The following DNAJC4 variants were observed in gnomAD, a reference collection of about 807,000 sequenced individuals.
The protein encoded by DNAJC4 is DnaJ heat shock protein family (Hsp40) member C4.
A neutral mutation model predicts 26.8 loss-of-function variants in DNAJC4; 26 were observed. That is an observed-to-expected ratio of 0.97 (90% CI 0.71 to 1.34). The LOEUF (loss-of-function observed/expected upper bound fraction) is 1.34, where lower values mean the gene tolerates loss of function less well. Among genes scored for constraint, DNAJC4 ranks in the 40% most tolerant of loss-of-function variants. DNAJC4 has a pLI of 0.00. For synonymous variants in DNAJC4, 134 were observed against 127.8 expected, an observed-to-expected ratio of 1.05 and a Z score of -0.33; for missense variants, 342 against 321.1, an observed-to-expected ratio of 1.07 and a Z score of -0.50.
Position 64,232,739 on chromosome 11 carries a change from A to C in DNAJC4, c.401A>C (p.Gln134Pro). 1 of 1,611,116 alleles carries C rather than the reference A, an allele frequency of 6.2e-7. No homozygotes were observed. Among genetic ancestry groups the C allele is most frequent in the Non-Finnish European group, 8.5e-7 (1 of 1,178,406 alleles). The change falls in exon 4 of 6, where the codon CAG becomes CCG. Residue 134 changes from glutamine (Q) to proline (P), a missense_variant. Physicochemically the swap from Gln to Pro is moderately conservative, Grantham distance 76. Transcript: ENST00000628077. ...CCCCCCAACGCACAGTACTGGTCCCAGTTTCACAGCGTGAGGCCACAGGGG... is the reference window on the plus strand; with the variant it reads ...CCCCCCAACGCACAGTACTGGTCCCCGTTTCACAGCGTGAGGCCACAGGGG... ...WTPPNAQYWS[Q>P]FHSVRPQGPQ... is the part of the protein sequence containing the mutation.
chr11:64,232,490 G>C lies in DNAJC4; in HGVS notation c.241G>C (p.Glu81Gln). 1 of 1,611,256 alleles carries C rather than the reference G, an allele frequency of 6.2e-7. No individual in the cohort carries two copies. The highest frequency in any genetic ancestry group is 8.5e-7 in the Non-Finnish European group (1 of 1,177,886). ...SLHSRFVELS[E>Q]AYRVLSREQS... ...GCACAGCCGCTTTGTGGAGCTGAGC[G>C]AGGCATACCGTGTGCTCAGCCGTGA... Residue 81 changes from glutamate (E) to glutamine (Q), a missense_variant, in exon 3 of 6, where the codon GAG (glutamate) becomes CAG (glutamine). Transcript: ENST00000628077.
upstream of DNAJC4, chr11:64,230,448 C>T: frequency 3.8e-6 from 2 of 520,168 alleles, no homozygotes; most frequent in South Asian, 3.1e-5. Context: ...GTGGTCTTGG[C>T]ATCCACGCCA....
At chr11:64,233,824 G>A (rs1947208857) in intron 4 of DNAJC4, 70 bp from the exon 5 acceptor site, 1 of 1,574,690 alleles carries the variant, frequency 6.4e-7, no homozygotes, top group African/African-American at 1.3e-5. Flanking sequence ...CCCTAGAGTG[G>A]GGTGGAAGGG....
At chr11:64,233,490 CT>C (rs1362194736) in intron 4 of DNAJC4, 1 of 189,866 alleles carries the variant, frequency 5.3e-6, no homozygotes, top group East Asian at 1.3e-4. Flanking sequence ...ATCCACCCGC[CT>C]CAGCCTCCCA....
chr11:64,231,711 A>C lies in DNAJC4; in HGVS notation c.87-160A>C, dbSNP rs1947178921. ...TCCTGACCTGCACTATGCCTGAAACACTCCAAAGGGGGTGCTGATCTGGAG... is the reference window on the plus strand; with the variant it reads ...TCCTGACCTGCACTATGCCTGAAACCCTCCAAAGGGGGTGCTGATCTGGAG... On this transcript the variant is annotated intron_variant, in intron 1 of 5. Transcript: ENST00000628077. The C allele has an allele frequency of 4.8e-6, 3 of 622,242 alleles. No homozygotes were observed. In the South Asian group the frequency reaches 6.1e-5, roughly 13 times the overall value. The allele number at this position is 622,242 out of a possible 1,614,324, so 38.5% of individuals were successfully genotyped here. A position where few individuals can be genotyped will look rare whatever the true frequency, so the allele number is the denominator to read the frequency against.
chr11:64,234,154 CG>C lies in DNAJC4; in HGVS notation c.697del (p.Glu233ArgfsTer?). 1 of 1,586,238 alleles carries C rather than the reference CG, an allele frequency of 6.3e-7. No individual in the cohort carries two copies. Among genetic ancestry groups the C allele is most frequent in the Non-Finnish European group, 8.6e-7 (1 of 1,168,750 alleles). On this transcript the variant is annotated frameshift_variant, in exon 6 of 6. Transcript: ENST00000628077. LOFTEE classifies it low-confidence loss of function (END_TRUNC). This position sits in a 1 kb window ranked among gnomAD's most constrained non-coding sequence, Gnocchi z 5.3. ...PPPSEPTQGPEIVPRGAGP is the reference protein window; with the variant it reads ...PPPSEPTQGPXIVPRGAGP ...CACCATCCGAGCCAACCCAAGGCCC[CG>C]AGATCGTGCCCCGGGGCGCCGGCCC...
intron 1 of DNAJC4, 129 bp downstream of exon 1, chr11:64,231,069 C>G: frequency 8.3e-7 from 1 of 1,203,238 alleles, no homozygotes; most frequent in East Asian, 2.5e-5. Context: ...CCTCGCCTTC[C>G]CTGCTGAGGA....
intron 4 of DNAJC4, chr11:64,233,066 G>A (rs771158973): frequency 1.4e-5 from 7 of 494,120 alleles, no homozygotes; most frequent in Non-Finnish European, 2.3e-5. Flanking sequence ...GTCATTTACA[G>A]TTTTTCATAT....
At chr11:64,233,289 A>G (rs1947201690) in intron 4 of DNAJC4, among the ~76,000 whole-genome samples, 2 of 151,240 alleles carry the variant, frequency 1.3e-5, no homozygotes, top group South Asian at 2.1e-4. Flanking sequence ...GCTGCAGTGC[A>G]GTGGCGCAAT....
chr11:64,234,275 T>G lies in DNAJC4; in HGVS notation c.*91T>G. On this transcript the variant is annotated 3_prime_UTR_variant, in exon 6 of 6. Coordinates refer to ENST00000628077, the MANE Select transcript of DNAJC4 (RefSeq NM_005528.4). The surrounding 1 kb of genome is among the most constrained non-coding windows in gnomAD (Gnocchi z 5.3). ...CCCGAAACGCGCGCAATAAAGTGATTCGCAGAGCTCGTGTCCGGCTCCCTC... is the reference window on the plus strand; with the variant it reads ...CCCGAAACGCGCGCAATAAAGTGATGCGCAGAGCTCGTGTCCGGCTCCCTC... The G allele has an allele frequency of 4.9e-6, 7 of 1,426,506 alleles. No homozygotes were observed. The highest frequency in any genetic ancestry group is 5.6e-6 in the Non-Finnish European group (6 of 1,067,258). The allele number at this position is 1,426,506 out of a possible 1,614,324, so 88.4% of individuals were successfully genotyped here.
At chr11:64,232,000 A>G in intron 2 of DNAJC4, 36 bp downstream of exon 2, 1 of 1,606,044 alleles carries the variant, frequency 6.2e-7, no homozygotes, top group Non-Finnish European at 8.5e-7. Context: ...GGGGAGCAGG[A>G]ACTTTGAGCC....
rs865876122 is a variant in DNAJC4, at chr11:64,231,466, C to T, written c.87-405C>T. 7 of 206,668 alleles carry T rather than the reference C, an allele frequency of 3.4e-5. No homozygotes were observed. The South Asian group carries it at 4.1e-4, about 12-fold the overall frequency. 12.8% of individuals were successfully genotyped at this position (206,668 alleles called of 1,614,324 possible). Reference sequence around the variant, plus strand: ...AAGCGATTCTCCTGCCTCAGCCTCCCGAGTAGCTGGGATTACGGGCATGCA... The same window carrying T: ...AAGCGATTCTCCTGCCTCAGCCTCCTGAGTAGCTGGGATTACGGGCATGCA... On this transcript the variant is annotated intron_variant, in intron 1 of 5. Transcript: ENST00000628077.
Position 64,232,439 on chromosome 11 carries a change from G to T in DNAJC4, c.190G>T (p.Asp64Tyr). Residue 64 changes from aspartate (D) to tyrosine (Y), a missense_variant, in exon 3 of 6, where the codon GAC becomes TAC. Coordinates refer to ENST00000628077, the MANE Select transcript of DNAJC4 (RefSeq NM_005528.4). ...FFSKSKELHP[D>Y]RDPGNPSLHS... ...TCCTGCCCCACCCCAGCTGCACCCA[G>T]ACCGGGACCCTGGGAACCCAAGCCT... 6.3e-7 allele frequency: 1 copy of T among 1,589,540 alleles called. No homozygotes were observed. Among genetic ancestry groups the T allele is most frequent in the Non-Finnish European group, 8.6e-7 (1 of 1,164,350 alleles).
rs1006361436 is a variant in DNAJC4 at position 64,232,018 on chromosome 11, G to T, written c.180+54G>T. 10 of 1,574,314 alleles carry T rather than the reference G, an allele frequency of 6.4e-6. No homozygotes were observed. In the African/African-American group the frequency reaches 6.8e-5, roughly 11 times the overall value. ...GAGCAGGAACTTTGAGCCAGTGGGGGTGTGCTTCAAATTCCCAGGAGTAGA... is the reference window on the plus strand; with the variant it reads ...GAGCAGGAACTTTGAGCCAGTGGGGTTGTGCTTCAAATTCCCAGGAGTAGA... On this transcript the variant is annotated intron_variant, in intron 2 of 5. Transcript: ENST00000628077.
Position 64,232,450 on chromosome 11 carries a change from T to C in DNAJC4, c.201T>C (p.Pro67=), listed in dbSNP as rs979210242. ...KSKELHPDRD[P]GNPSLHSRFV... is the part of the protein sequence containing the mutation. ...CCCAGCTGCACCCAGACCGGGACCC[T>C]GGGAACCCAAGCCTGCACAGCCGCT... Residue 67 remains proline, a synonymous_variant, in exon 3 of 6, where the codon CCT becomes CCC. Coordinates refer to ENST00000628077, the MANE Select transcript of DNAJC4 (RefSeq NM_005528.4). 1.3e-6 allele frequency: 2 copies of C among 1,595,898 alleles called. No homozygotes were observed. The highest frequency in any genetic ancestry group is 1.7e-6 in the Non-Finnish European group (2 of 1,167,886).
At chr11:64,230,496 A>C, upstream of DNAJC4, 1 of 562,208 alleles carries the variant, frequency 1.8e-6, no homozygotes, top group Non-Finnish European at 3.4e-6. Context: ...AGACGCAGGA[A>C]ATGGCGACGG....
rs1041008443 is a variant in DNAJC4, at chr11:64,234,201, G to A, written c.*17G>A. The A allele has an allele frequency of 1.3e-6, 2 of 1,542,706 alleles. No individual in the cohort carries two copies. The highest frequency in any genetic ancestry group is 1.7e-6 in the Non-Finnish European group (2 of 1,148,590). ...GGCCCCTGAGGGGCTCACCTGGATGGGGCCTGCAGTGCGTTCCCGCTTTGC... is the reference window on the plus strand; with the variant it reads ...GGCCCCTGAGGGGCTCACCTGGATGAGGCCTGCAGTGCGTTCCCGCTTTGC... On this transcript the variant is annotated 3_prime_UTR_variant, in exon 6 of 6. Coordinates refer to ENST00000628077, the MANE Select transcript of DNAJC4 (RefSeq NM_005528.4). This position sits in a 1 kb window ranked among gnomAD's most constrained non-coding sequence, Gnocchi z 5.3.
rs2135001256 is a variant in DNAJC4 at position 64,230,713 on chromosome 11, C to A, written c.-142C>A. ...GGTCTGGTCCTGGGCAAGAACCGCC[C>A]CCTCTCCGGGCCTGCTTCAGTCTTC... On this transcript the variant is annotated 5_prime_UTR_variant, in exon 1 of 6. Coordinates refer to ENST00000628077, the MANE Select transcript of DNAJC4 (RefSeq NM_005528.4). The A allele has an allele frequency of 8.4e-7, 1 of 1,183,788 alleles. No individual in the cohort carries two copies. The highest frequency in any genetic ancestry group is 1.4e-5 in the South Asian group (1 of 73,774). 73.3% of individuals were successfully genotyped at this position (1,183,788 alleles called of 1,614,324 possible). A position where few individuals can be genotyped will look rare whatever the true frequency, so the allele number is the denominator to read the frequency against.
At chr11:64,232,652 G>A in intron 3 of DNAJC4, 38 bp downstream of exon 3, 1 of 1,577,846 alleles carries the variant, frequency 6.3e-7, no homozygotes, top group Non-Finnish European at 8.7e-7. Flanking sequence ...CCACCCCCAG[G>A]TCTCTTGGGT....
Sources: allele counts gnomAD v4.1 joint callset (sites outside exome capture counted in the v4.1 genomes callset), GRCh38; gene constraint gnomAD v4.1.1; non-coding constraint Gnocchi (gnomAD v3.1); transcripts MANE v1.5; gene names NCBI Gene and HGNC (gene_info 2026-07-23, HGNC 2026-07-21).